Variants in PTPRU observed in about 807,000 individuals in gnomAD.
The protein encoded by PTPRU is protein tyrosine phosphatase receptor type U.
In PTPRU, 69 loss-of-function variants were observed where a neutral mutation model predicts 166.3. The observed-to-expected ratio is 0.41, with a 90% CI of 0.34 to 0.51. The LOEUF (loss-of-function observed/expected upper bound fraction) is 0.51. Ranked by LOEUF, PTPRU falls within the 20% of genes least tolerant of loss-of-function variation. The pLI is 0.09. For synonymous variants in PTPRU, 793 were observed against 814.0 expected (o/e 0.97, Z 0.44); for missense variants, 1,657 against 2,013.7 (o/e 0.82, Z 3.39).
chr1:29,257,511 C>T lies in PTPRU; in HGVS notation c.206-994C>T, dbSNP rs534842480. Among the ~76,000 whole-genome samples the T allele has an allele frequency of 1.6e-4, 25 of 152,258 alleles. No homozygotes were observed. The highest frequency in any genetic ancestry group is 2.1e-4 in the South Asian group (1 of 4,824). On this transcript the variant is annotated intron_variant, in intron 2 of 29. Transcript: ENST00000373779. The surrounding 1 kb of genome is among the most constrained non-coding windows in gnomAD (Gnocchi z 4.6). ...GCCCTTTGGGAAGCCCAAATCCCCC[C>T]GCCAGGTCCTGAGCCAGCCTAGTCC... is the stretch of plus-strand genomic sequence containing the variant.
chr1:29,239,918 C>A (rs1278475479), intron 1 of PTPRU, among the ~76,000 whole-genome samples: 4 of 152,196 alleles, frequency 2.6e-5, no homozygotes, highest in Non-Finnish European at 5.9e-5. Context: ...CCATTGCCTT[C>A]AGGGTGAAGT....
intron 17 of PTPRU, 95 bp downstream of exon 17, chr1:29,304,944 A>G: frequency 1.6e-6 from 2 of 1,214,192 alleles, no homozygotes; most frequent in South Asian, 1.4e-5. Context: ...AGCCTCAGAG[A>G]TGATAGTAGC....
chr1:29,317,952 G>A lies in PTPRU; in HGVS notation c.3687+31G>A, dbSNP rs778922103. Reference sequence around the variant, plus strand: ...AGCTTGGGGTGGAGTGGGCTCTGGGGCTCCCCTTCCCAGCAGCATCAGGGA... The same window carrying A: ...AGCTTGGGGTGGAGTGGGCTCTGGGACTCCCCTTCCCAGCAGCATCAGGGA... On this transcript the variant is annotated intron_variant, in intron 25 of 29. Transcript: ENST00000373779. The surrounding 1 kb of genome is among the most constrained non-coding windows in gnomAD (Gnocchi z 5.6). The A allele has an allele frequency of 3.1e-6, 5 of 1,609,744 alleles. No homozygotes were observed. The highest frequency in any genetic ancestry group is 1.7e-5 in the Admixed American group (1 of 59,806).
rs1306785835 is a variant in PTPRU, at chr1:29,279,163, G to A, written c.1563+42G>A. 1 of 1,461,812 alleles carries A rather than the reference G, an allele frequency of 6.8e-7. No homozygotes were observed. Among genetic ancestry groups the A allele is most frequent in the Non-Finnish European group, 9.4e-7 (1 of 1,065,708 alleles). 90.6% of individuals were successfully genotyped at this position (1,461,812 alleles called of 1,614,324 possible). ...ATTACAGTGGGGGACCCTGGTGGAA[G>A]GTGAGAGGTGGCCCTCTTTCTCTCT... On this transcript the variant is annotated intron_variant, in intron 9 of 29. Coordinates refer to ENST00000373779, the MANE Select transcript of PTPRU (RefSeq NM_133178.4). This position sits in a 1 kb window ranked among gnomAD's most constrained non-coding sequence, Gnocchi z 5.2.
chr1:29,283,057 A>C, intron 12 of PTPRU, 108 bp downstream of exon 12: 1 of 1,465,004 alleles, frequency 6.8e-7, no homozygotes, highest in Admixed American at 1.9e-5. Flanking sequence ...GGCACTTCCC[A>C]TAGCCCCACC....
At chr1:29,243,554 T>C (rs1449932532) in intron 1 of PTPRU, among the ~76,000 whole-genome samples, 1 of 152,260 alleles carries the variant, frequency 6.6e-6, no homozygotes, top group Admixed American at 6.5e-5. Context: ...ATCTACCTAC[T>C]TGTTCAGCCT....
Position 29,305,402 on chromosome 1 carries a change from G to T in PTPRU, c.2794G>T (p.Asp932Tyr). ...LHPMLGDPNA[D>Y]YINANYIDGY... ...CCCGATGCTGGGAGACCCCAATGCC[G>T]ACTACATTAATGCCAACTACATAGA... Residue 932 changes from aspartate to tyrosine, a missense_variant, in exon 18 of 30, where the codon GAC becomes TAC. By Grantham distance (160) the Asp-to-Tyr change is radical (BLOSUM62 -3). This residue lies in a region of PTPRU where 1,190 missense variants were observed against 1,477.4 expected (regional missense o/e 0.81). Coordinates refer to ENST00000373779, the MANE Select transcript of PTPRU (RefSeq NM_133178.4). 6.2e-7 allele frequency: 1 copy of T among 1,613,826 alleles called. No homozygotes were observed. The highest frequency in any genetic ancestry group is 8.5e-7 in the Non-Finnish European group (1 of 1,179,982).
At chr1:29,255,192 A>G in intron 1 of PTPRU, 83 bp from the exon 2 acceptor site, 1 of 1,490,490 alleles carries the variant, frequency 6.7e-7, no homozygotes, top group Non-Finnish European at 9.1e-7. Flanking sequence ...CCTGGGTAGA[A>G]GGGAGAGTGG....
intron 1 of PTPRU, among the ~76,000 whole-genome samples, chr1:29,251,241 G>A (rs890162599): frequency 3.7e-4 from 56 of 151,608 alleles, no homozygotes; most frequent in Non-Finnish European, 6.9e-4. Context: ...AACAGAATGA[G>A]ACTCTATCTC....
At chr1:29,289,588 C>T in intron 14 of PTPRU, 1 of 1,503,916 alleles carries the variant, frequency 6.6e-7, no homozygotes, top group Non-Finnish European at 9.2e-7. Context: ...GGGAGGTACC[C>T]AGGCCCCACC....
At chr1:29,284,703 A>C (rs1446967816) in intron 13 of PTPRU, 28 bp from the exon 14 acceptor site, 2 of 1,613,776 alleles carry the variant, frequency 1.2e-6, no homozygotes, top group Non-Finnish European at 1.7e-6. Context: ...CTTTCCTCTG[A>C]TCCCTTGTTC....
At chr1:29,284,016 T>G in intron 13 of PTPRU, 40 bp downstream of exon 13, 1 of 1,610,950 alleles carries the variant, frequency 6.2e-7, no homozygotes, top group Non-Finnish European at 8.5e-7. Flanking sequence ...AGCGGCAGGT[T>G]TCTCACCTGC....
rs1687868333 is a variant in PTPRU, at chr1:29,315,604, C to T, written c.3363+97C>T. 1 of 1,530,346 alleles carries T rather than the reference C, an allele frequency of 6.5e-7. No individual in the cohort carries two copies. The highest frequency in any genetic ancestry group is 8.9e-7 in the Non-Finnish European group (1 of 1,117,740). 94.8% of individuals were successfully genotyped at this position (1,530,346 alleles called of 1,614,324 possible). A position where few individuals can be genotyped will look rare whatever the true frequency, so the allele number is the denominator to read the frequency against. On this transcript the variant is annotated intron_variant, in intron 23 of 29. Transcript: ENST00000373779. This position sits in a 1 kb window ranked among gnomAD's most constrained non-coding sequence, Gnocchi z 4.5. ...CCGGCAGAGCATGCCCAAAGGGTGT[C>T]CTGAGGCTCTTGCCTTCCCTCAGAT... is the stretch of plus-strand genomic sequence containing the variant.
At position 29,304,493 on chromosome 1, in the gene PTPRU, G is replaced by A. The variant is rs900622401; in HGVS notation, c.2668-281G>A. The stretch of plus-strand genomic sequence containing the variant: ...CCTCACCTTTACCTTCTTTCTAACC[G>A]TTATTCTAAGCCTGACCCTTATTCC... On this transcript the variant is annotated intron_variant, in intron 16 of 29. Coordinates refer to ENST00000373779, the MANE Select transcript of PTPRU (RefSeq NM_133178.4). Among the ~76,000 whole-genome samples, 4 of 152,148 alleles carry A rather than the reference G, an allele frequency of 2.6e-5. No homozygotes were observed. In the East Asian group the frequency reaches 5.8e-4, roughly 22 times the overall value.
rs1558554276 is a variant in PTPRU at position 29,258,635 on chromosome 1, C to G, written c.336C>G (p.His112Gln). ...ACTTCCTGTACAGCCGGGACGGGCACAGCCCGGGCACCCTGGGCGTCTACG... is the reference window on the plus strand; with the variant it reads ...ACTTCCTGTACAGCCGGGACGGGCAGAGCCCGGGCACCCTGGGCGTCTACG... Reference protein sequence around the residue: ...FSYFLYSRDGHSPGTLGVYVR... With the variant: ...FSYFLYSRDGQSPGTLGVYVR... Residue 112 changes from histidine (H) to glutamine (Q), a missense_variant, in exon 3 of 30, where the codon CAC becomes CAG. Coordinates refer to ENST00000373779, the MANE Select transcript of PTPRU (RefSeq NM_133178.4). 6.2e-7 allele frequency: 1 copy of G among 1,614,272 alleles called. No individual in the cohort carries two copies. Among genetic ancestry groups the G allele is most frequent in the Middle Eastern group, 1.6e-4 (1 of 6,062 alleles).
chr1:29,320,762 C>G lies in PTPRU; in HGVS notation c.3765C>G (p.Val1255=). 6.2e-7 allele frequency: 1 copy of G among 1,608,898 alleles called. No homozygotes were observed. The highest frequency in any genetic ancestry group is 8.5e-7 in the Non-Finnish European group (1 of 1,175,976). The change falls in exon 26 of 30, where the codon GTC becomes GTG. Residue 1255 remains valine (V), a synonymous_variant. Transcript: ENST00000373779. This position sits in a 1 kb window ranked among gnomAD's most constrained non-coding sequence, Gnocchi z 5.2. ...QSTTPDFWRL[V]YDYGCTSIVM... ...CCACGCCCGACTTCTGGCGGCTGGT[C>G]TACGATTACGGGTGCACCTCCATCG...
intron 7 of PTPRU, among the ~76,000 whole-genome samples, chr1:29,274,925 C>G (rs573600297): frequency 4.0e-5 from 6 of 151,776 alleles, no homozygotes; most frequent in African/African-American, 1.5e-4. Flanking sequence ...TGGTGTACGC[C>G]TGTAATCCCA....
At chr1:29,258,831 G>A (rs1349363372) in intron 3 of PTPRU, 55 bp downstream of exon 3, 2 of 1,525,228 alleles carry the variant, frequency 1.3e-6, no homozygotes, top group Non-Finnish European at 1.8e-6. Flanking sequence ...GCAGATGGAT[G>A]TCAAATTGAG....
At position 29,276,506 on chromosome 1, in the gene PTPRU, C is replaced by T. The variant is rs540145962; in HGVS notation, c.1453+750C>T. On this transcript the variant is annotated intron_variant, in intron 8 of 29. Coordinates refer to ENST00000373779, the MANE Select transcript of PTPRU (RefSeq NM_133178.4). ...AATTTTTTTGTATTTTTTGTAGAGA[C>T]GGGGTTTTGCCATGTTGCCCAGGCT... Among the ~76,000 whole-genome samples, 373 of 152,182 alleles carry T rather than the reference C, an allele frequency of 2.5e-3. 1 individual carries two copies. The highest frequency in any genetic ancestry group is 8.6e-3 in the African/African-American group (359 of 41,520).
Sources: gnomAD v4.1 joint callset for allele counts (sites outside exome capture counted in the v4.1 genomes callset) on GRCh38, gnomAD v4.1.1 for gene constraint, gnomAD v4.1.1 regional missense constraint, Gnocchi (gnomAD v3.1) non-coding constraint, MANE v1.5 for transcripts, NCBI Gene and HGNC (gene_info 2026-07-23, HGNC 2026-07-21) for gene names.